The following AUTS2 variants were observed in gnomAD, a reference collection of about 807,000 sequenced individuals.
AUTS2 encodes activator of transcription and developmental regulator AUTS2, also known as autism susceptibility gene 2 protein.
AUTS2 carries 17 observed loss-of-function variants against 112.4 expected under a neutral mutation model. The ratio of observed to expected loss-of-function variants is 0.15; its 90% CI spans 0.10 to 0.23. The LOEUF (loss-of-function observed/expected upper bound fraction) is 0.23. Among genes scored for constraint, AUTS2 ranks in the 10% least tolerant of loss-of-function variants. AUTS2 has a pLI of 1.00. For synonymous variants in AUTS2, 751 were observed against 702.7 expected (o/e 1.07, Z -1.09); for missense variants, 1,510 against 1,701.6 (o/e 0.89, Z 1.98).
chr7:70,340,838 A>G (rs1311256048), intron 4 of AUTS2, among the ~76,000 whole-genome samples: 2 of 152,364 alleles, frequency 1.3e-5, no homozygotes, highest in Non-Finnish European at 2.9e-5. Flanking sequence ...GCGCCTGCCA[A>G]GGGGACTGCA....
intron 6 of AUTS2, among the ~76,000 whole-genome samples, chr7:70,757,807 CTTTTTTT>C (rs3974412): frequency 3.3e-5 from 2 of 60,526 alleles, no homozygotes; most frequent in African/African-American, 6.3e-5. Flanking sequence ...TCCATGGCTT[CTTTTTTT>C]TTTTTTTTTT....
At chr7:70,272,817 C>T (rs1206611384) in intron 4 of AUTS2, among the ~76,000 whole-genome samples, 2 of 151,986 alleles carry the variant, frequency 1.3e-5, no homozygotes, top group Non-Finnish European at 2.9e-5. Flanking sequence ...GTAAAGAAAA[C>T]GTCTCTAGAA....
intron 4 of AUTS2, among the ~76,000 whole-genome samples, chr7:70,404,819 A>G (rs1053126336): frequency 2.6e-5 from 4 of 152,230 alleles, no homozygotes; most frequent in African/African-American, 7.2e-5. Flanking sequence ...AAACACTGCC[A>G]TAATCAAAAC....
intron 5 of AUTS2, among the ~76,000 whole-genome samples, chr7:70,612,811 A>G (rs916942531): frequency 1.3e-5 from 2 of 151,976 alleles, no homozygotes; most frequent in African/African-American, 2.4e-5. Flanking sequence ...TTAAATCAGA[A>G]GGTATATCCC....
At chr7:70,064,161 C>T (rs1802382906) in intron 2 of AUTS2, among the ~76,000 whole-genome samples, 1 of 152,154 alleles carries the variant, frequency 6.6e-6, no homozygotes, top group Non-Finnish European at 1.5e-5. Context: ...TTTAGTGAGT[C>T]CCGCTTGTCT....
intron 1 of AUTS2, among the ~76,000 whole-genome samples, chr7:69,828,486 C>CT (rs1487196184): frequency 3.9e-5 from 6 of 152,072 alleles, no homozygotes; most frequent in Non-Finnish European, 5.9e-5. Flanking sequence ...ATTGATCAGC[C>CT]TGAGTCCATT....
intron 4 of AUTS2, among the ~76,000 whole-genome samples, chr7:70,377,308 TCAAA>T (rs1368897417): frequency 3.8e-5 from 4 of 104,724 alleles, no homozygotes; most frequent in East Asian, 2.7e-4. Context: ...TGTTTGGGTC[TCAAA>T]CAAACAAATA....
At chr7:70,764,609 T>C in intron 7 of AUTS2, 143 bp from the exon 8 acceptor site, 4 of 617,812 alleles carry the variant, frequency 6.5e-6, no homozygotes, top group Non-Finnish European at 1.2e-5. Context: ...GAAAGTGTGC[T>C]CGTACAGGGA....
intron 4 of AUTS2, among the ~76,000 whole-genome samples, chr7:70,242,090 G>A (rs17672652): frequency 0.1 from 15,630 of 152,202 alleles, 983 homozygotes; most frequent in Admixed American, 0.14. Flanking sequence ...GCCTTAGGGA[G>A]GGAAGTCTTA....
chr7:70,750,481 C>G (rs10275085), intron 6 of AUTS2, among the ~76,000 whole-genome samples: 29,804 of 87,566 alleles, frequency 0.34, 3,762 homozygotes, highest in East Asian at 0.56. Context: ...TCCCACCTCA[C>G]CCTCCACCTC....
chr7:70,745,122 C>T (rs1585614760), intron 6 of AUTS2, among the ~76,000 whole-genome samples: 1 of 152,084 alleles, frequency 6.6e-6, no homozygotes, highest in Non-Finnish European at 1.5e-5. Context: ...ATTGTATCAT[C>T]TCCCAGTTTG....
At chr7:69,667,420 G>T (rs996982428) in intron 1 of AUTS2, among the ~76,000 whole-genome samples, 2 of 144,272 alleles carry the variant, frequency 1.4e-5, no homozygotes, top group African/African-American at 5.2e-5. Flanking sequence ...GTGAGATGTT[G>T]TCTTGGCTCA....
At chr7:70,770,042 TTTAA>T (rs1404867867) in intron 10 of AUTS2, among the ~76,000 whole-genome samples, 42 of 152,208 alleles carry the variant, frequency 2.8e-4, no homozygotes, top group Admixed American at 1.8e-3. Flanking sequence ...GGGGCATGTA[TTTAA>T]TTACTCAGCT....
At chr7:70,755,922 CAA>C (rs952696188) in intron 6 of AUTS2, among the ~76,000 whole-genome samples, 1 of 151,804 alleles carries the variant, frequency 6.6e-6, no homozygotes, top group Admixed American at 6.6e-5. Context: ...TGTTTAATAA[CAA>C]AGTGAACATT....
intron 6 of AUTS2, among the ~76,000 whole-genome samples, chr7:70,704,942 G>A (rs1199035601): frequency 6.6e-6 from 1 of 152,196 alleles, no homozygotes; most frequent in Non-Finnish European, 1.5e-5. Context: ...CCAGTTAAGC[G>A]CCTACAGATG....
intron 4 of AUTS2, among the ~76,000 whole-genome samples, chr7:70,155,343 G>A (rs920160455): frequency 1.3e-5 from 2 of 152,120 alleles, no homozygotes; most frequent in Non-Finnish European, 1.5e-5. Flanking sequence ...AATTAAAGAG[G>A]TAGAAAGAGA....
chr7:70,003,006 A>G (rs1411256633), intron 2 of AUTS2, among the ~76,000 whole-genome samples: 1 of 151,070 alleles, frequency 6.6e-6, no homozygotes, highest in East Asian at 1.9e-4. Flanking sequence ...AAAAAATAGG[A>G]TATATGAAAA....
chr7:69,785,266 C>T lies in AUTS2; in HGVS notation c.310-114020C>T, dbSNP rs186816533. ...AGGGTTTTCCAAGGATTTAGCTTCTCTTTGTTTCTCTGGATATTCAGACTC... is the reference window on the plus strand; with the variant it reads ...AGGGTTTTCCAAGGATTTAGCTTCTTTTTGTTTCTCTGGATATTCAGACTC... On this transcript the variant is annotated intron_variant, in intron 1 of 18. Coordinates refer to ENST00000342771, the MANE Select transcript of AUTS2 (RefSeq NM_015570.4). Among the ~76,000 whole-genome samples, 5 of 152,288 alleles carry T rather than the reference C, an allele frequency of 3.3e-5. No individual in the cohort carries two copies. The East Asian group carries it at 9.6e-4, about 29-fold the overall frequency.
chr7:70,683,174 G>A (rs1377871043), intron 5 of AUTS2, among the ~76,000 whole-genome samples: 1 of 152,200 alleles, frequency 6.6e-6, no homozygotes, highest in Non-Finnish European at 1.5e-5. Flanking sequence ...ATTTTCAGGA[G>A]AATGTACCCA....
Sources: allele counts gnomAD v4.1 joint callset (sites outside exome capture counted in the v4.1 genomes callset), GRCh38; gene constraint gnomAD v4.1.1; transcripts MANE v1.5; gene names NCBI Gene and HGNC (gene_info 2026-07-23, HGNC 2026-07-21).